The following DOCK5 variants were observed in gnomAD, a reference collection of about 807,000 sequenced individuals.
DOCK5 encodes the protein dedicator of cytokinesis 5, also known as dedicator of cytokinesis protein 5.
Under a neutral mutation model 251.8 loss-of-function variants are expected in DOCK5, and 142 were observed. That is an observed-to-expected ratio of 0.56 (90% CI 0.49 to 0.65). The LOEUF is 0.65. DOCK5 is among the 30% of genes least tolerant of loss of function. DOCK5 has a pLI of 0.00. For missense variants in DOCK5, 2,111 were observed against 2,312.3 expected, an observed-to-expected ratio of 0.91 and a Z score of 1.79; for synonymous variants, 842 against 835.5, an observed-to-expected ratio of 1.01 and a Z score of -0.13.
chr8:25,369,516 G>C, intron 33 of DOCK5, 40 bp from the exon 34 acceptor site: 1 of 1,560,942 alleles, frequency 6.4e-7, no homozygotes, highest in Non-Finnish European at 8.7e-7. Flanking sequence ...TTCTTCTAAG[G>C]ATGCAACATT....
At chr8:25,224,616 T>A (rs117348919) in intron 1 of DOCK5, among the ~76,000 whole-genome samples, 6 of 152,310 alleles carry the variant, frequency 3.9e-5, no homozygotes, top group Non-Finnish European at 8.8e-5. Flanking sequence ...TTTAAAATAG[T>A]TATGGTTGAG....
rs771121025 is a variant in DOCK5 at position 25,243,674 on chromosome 8, C to G, written c.44C>G (p.Ala15Gly). The stretch of plus-strand genomic sequence containing the variant: ...TCCCTTTTTTATTTCTCATTTCCAG[C>G]GATCTATAACTACAATGCTTCTCAA... ...IPTKRQKYGVAIYNYNASQDV... is the reference protein window; with the variant it reads ...IPTKRQKYGVGIYNYNASQDV... The change falls in exon 2 of 52, where the codon GCG (alanine) becomes GGG (glycine). Residue 15 changes from alanine (A) to glycine (G), a missense_variant and splice_region_variant. By Grantham distance (60) the Ala-to-Gly change is moderately conservative. This residue lies in a region of DOCK5 where 335 missense variants were observed against 324.9 expected (regional missense o/e 1.03). Coordinates refer to ENST00000276440, the MANE Select transcript of DOCK5 (RefSeq NM_024940.8). 6.2e-7 allele frequency: 1 copy of G among 1,612,610 alleles called. No individual in the cohort carries two copies. Among genetic ancestry groups the G allele is most frequent in the Admixed American group, 1.7e-5 (1 of 59,916 alleles).
intron 4 of DOCK5, 41 bp downstream of exon 4, chr8:25,275,482 A>G: frequency 6.5e-7 from 1 of 1,536,098 alleles, no homozygotes; most frequent in Non-Finnish European, 8.9e-7. Context: ...AATGATGAAG[A>G]TGTAACATTA....
At chr8:25,236,570 A>T (rs1370779933) in intron 1 of DOCK5, among the ~76,000 whole-genome samples, 1 of 152,056 alleles carries the variant, frequency 6.6e-6, no homozygotes, top group Non-Finnish European at 1.5e-5. Context: ...GAAAAGAAGA[A>T]TTGTAACCAT....
At chr8:25,205,008 C>T (rs1170056032) in intron 1 of DOCK5, among the ~76,000 whole-genome samples, 1 of 149,118 alleles carries the variant, frequency 6.7e-6, no homozygotes, top group Non-Finnish European at 1.5e-5. Context: ...GTGGGGCCCT[C>T]ATGAGGGGAT....
rs1409692346 is a variant in DOCK5 at position 25,364,718 on chromosome 8, T to A, written c.3123+14T>A. ...TTTGAACTTCAGGTAGGCATGTGAC[T>A]CACCTACCTGCTTCTAGAATTCTTG... On this transcript the variant is annotated intron_variant, in intron 30 of 51. Transcript: ENST00000276440. The A allele has an allele frequency of 7.7e-6, 12 of 1,562,254 alleles. No homozygotes were observed. The highest frequency in any genetic ancestry group is 1.0e-5 in the Non-Finnish European group (12 of 1,145,280).
intron 5 of DOCK5, among the ~76,000 whole-genome samples, chr8:25,280,790 T>A (rs986493072): frequency 6.6e-6 from 1 of 152,154 alleles, no homozygotes; most frequent in Non-Finnish European, 1.5e-5. Flanking sequence ...GTGGCCTTCA[T>A]TGATCATCTT....
intron 25 of DOCK5, among the ~76,000 whole-genome samples, chr8:25,342,960 C>T (rs1306531359): frequency 2.6e-5 from 4 of 151,940 alleles, no homozygotes; most frequent in Admixed American, 6.6e-5. Flanking sequence ...CCGCCTCGGC[C>T]TCCCAAAGTG....
chr8:25,258,003 A>C (rs1199311685), intron 2 of DOCK5, among the ~76,000 whole-genome samples: 1 of 152,192 alleles, frequency 6.6e-6, no homozygotes, highest in Non-Finnish European at 1.5e-5. Context: ...TGCTTTAAAA[A>C]GGAAAGAAAG....
chr8:25,398,835 C>T (rs1226890251), intron 45 of DOCK5, among the ~76,000 whole-genome samples: 2 of 152,044 alleles, frequency 1.3e-5, no homozygotes, highest in East Asian at 3.9e-4. Flanking sequence ...CAAATAGGGT[C>T]ACATTCTAAG....
intron 1 of DOCK5, among the ~76,000 whole-genome samples, chr8:25,197,750 ATTT>A (rs71214555): frequency 1.0e-5 from 1 of 95,762 alleles, no homozygotes; most frequent in African/African-American, 3.7e-5. Context: ...TGCCAAGCTA[ATTT>A]TTTTTTTTTT....
Position 25,389,209 on chromosome 8 carries a change from A to C in DOCK5, c.4250A>C (p.Asp1417Ala), listed in dbSNP as rs749197555. The C allele has an allele frequency of 1.9e-6, 3 of 1,613,984 alleles. No individual in the cohort carries two copies. Among genetic ancestry groups the C allele is most frequent in the Non-Finnish European group, 2.5e-6 (3 of 1,179,870 alleles). Residue 1417 changes from aspartate (D) to alanine (A), a missense_variant, in exon 41 of 52, where the codon GAC becomes GCC. Physicochemically the swap from Asp to Ala is moderately radical, Grantham distance 126. This residue lies in a region of DOCK5 where 1,717 missense variants were observed against 1,892.4 expected (regional missense o/e 0.91). Transcript: ENST00000276440. Reference protein sequence around the residue: ...KMTSTTPPGEDIKSSPKQYMQ... With the variant: ...KMTSTTPPGEAIKSSPKQYMQ... The stretch of plus-strand genomic sequence containing the variant: ...ACCAGTACCACGCCTCCTGGGGAAG[A>C]CATCAAGTCGTCCCCCAAGCAGTGT...
intron 1 of DOCK5, among the ~76,000 whole-genome samples, chr8:25,214,392 A>G (rs1802178391): frequency 6.6e-6 from 1 of 152,134 alleles, no homozygotes; most frequent in Admixed American, 6.5e-5. Context: ...CTTGGGGTCA[A>G]GGGATCCTGG....
At chr8:25,234,082 A>G (rs1168582747) in intron 1 of DOCK5, among the ~76,000 whole-genome samples, 1 of 152,204 alleles carries the variant, frequency 6.6e-6, no homozygotes, top group African/African-American at 2.4e-5. Context: ...CTGCTGTTGT[A>G]CTTGCATTTT....
chr8:25,342,374 C>A, intron 24 of DOCK5, 27 bp from the exon 25 acceptor site: 1 of 1,543,046 alleles, frequency 6.5e-7, no homozygotes, highest in Non-Finnish European at 8.8e-7. Flanking sequence ...AACGAAGACA[C>A]TACTAACCCT....
chr8:25,336,490 A>G, intron 22 of DOCK5, 117 bp downstream of exon 22: 1 of 1,316,102 alleles, frequency 7.6e-7, no homozygotes, highest in Middle Eastern at 1.9e-4. Context: ...GAATTGCCTT[A>G]TTTCAGAACT....
intron 1 of DOCK5, among the ~76,000 whole-genome samples, chr8:25,203,988 A>T (rs894514439): frequency 1.3e-5 from 2 of 152,116 alleles, no homozygotes; most frequent in African/African-American, 4.8e-5. Context: ...CTTTCGTCTT[A>T]GATGTCTTTA....
In DOCK5 at chr8:25,310,578, G is replaced by A. The variant is rs562724331; in HGVS notation, c.1318+46G>A. The A allele has an allele frequency of 3.9e-6, 6 of 1,541,620 alleles. No individual in the cohort carries two copies. In the Admixed American group the frequency reaches 6.2e-5, roughly 16 times the overall value. On this transcript the variant is annotated intron_variant, in intron 13 of 51. Coordinates refer to ENST00000276440, the MANE Select transcript of DOCK5 (RefSeq NM_024940.8). ...ACCTGTTTGCTTCCTCCTGTTCAGC[G>A]ATTATTTCTTATTGGACGGTGGAGG...
intron 3 of DOCK5, among the ~76,000 whole-genome samples, chr8:25,269,509 T>C (rs1225857062): frequency 6.6e-6 from 1 of 152,234 alleles, no homozygotes; most frequent in Non-Finnish European, 1.5e-5. Flanking sequence ...GTATTTGATA[T>C]GTAATATTGG....
Sources: allele counts gnomAD v4.1 joint callset (sites outside exome capture counted in the v4.1 genomes callset), GRCh38; gene constraint gnomAD v4.1.1; regional missense constraint gnomAD v4.1.1; transcripts MANE v1.5; gene names NCBI Gene and HGNC (gene_info 2026-07-23, HGNC 2026-07-21).